ANKMY1: variants seen among roughly 807,000 people sequenced by gnomAD.
The protein encoded by ANKMY1 is ankyrin repeat and MYND domain containing 1.
Under a neutral mutation model 102.0 loss-of-function variants are expected in ANKMY1, and 98 were observed. The observed-to-expected ratio is 0.96, with a 90% CI of 0.82 to 1.14. The LOEUF is 1.14. Among genes scored for constraint, ANKMY1 ranks in the 50% most tolerant of loss-of-function variants. The pLI, the probability that ANKMY1 is intolerant of heterozygous loss-of-function variation, is 0.00. For synonymous variants in ANKMY1, 582 were observed against 559.9 expected, an observed-to-expected ratio of 1.04 and a Z score of -0.56; for missense variants, 1,330 against 1,347.6, an observed-to-expected ratio of 0.99 and a Z score of 0.20.
chr2:240,495,278 T>A (rs1279905049), intron 15 of ANKMY1, among the ~76,000 whole-genome samples: 1 of 151,666 alleles, frequency 6.6e-6, no homozygotes, highest in Non-Finnish European at 1.5e-5. Flanking sequence ...CCCAGAGGAG[T>A]TTAGAGAAGA....
At chr2:240,539,518 G>A (rs774758877) in intron 4 of ANKMY1, among the ~76,000 whole-genome samples, 9 of 152,194 alleles carry the variant, frequency 5.9e-5, no homozygotes, top group South Asian at 2.1e-4. Flanking sequence ...CGAGGAGTCC[G>A]CGGCTTCATT....
At chr2:240,493,006 A>T (rs2076824492) in intron 15 of ANKMY1, among the ~76,000 whole-genome samples, 1 of 151,648 alleles carries the variant, frequency 6.6e-6, no homozygotes, top group South Asian at 2.1e-4. Flanking sequence ...AGTATTTCAA[A>T]TTCTTTATCT....
Position 240,520,636 on chromosome 2 carries a change from AGTAT to A in ANKMY1, c.1833-107_1833-104del, listed in dbSNP as rs2082039297. On this transcript the variant is annotated intron_variant, in intron 8 of 17. Coordinates refer to ENST00000401804, the MANE Select transcript of ANKMY1 (RefSeq NM_001282771.3). The surrounding 1 kb of genome is among the most constrained non-coding windows in gnomAD (Gnocchi z 4.8). ...GGAGGCTGGGGAGGGGCGCGTAGGG[AGTAT>A]GTGTGTGCCGCAACTACACAATCAC... is the stretch of plus-strand genomic sequence containing the variant. The A allele has an allele frequency of 7.2e-7, 1 of 1,391,780 alleles. No individual in the cohort carries two copies. Among genetic ancestry groups the A allele is most frequent in the African/African-American group, 1.5e-5 (1 of 68,840 alleles). 86.2% of individuals were successfully genotyped at this position (1,391,780 alleles called of 1,614,324 possible).
chr2:240,516,151 T>G (rs200849679), intron 9 of ANKMY1, among the ~76,000 whole-genome samples: 26 of 21,096 alleles, frequency 1.2e-3, no homozygotes, highest in South Asian at 4.8e-3. Context: ...TTTTGTGGGG[T>G]TTTTTTTTTT....
intron 17 of ANKMY1, among the ~76,000 whole-genome samples, chr2:240,480,328 C>T (rs1430422160): frequency 1.3e-5 from 2 of 152,220 alleles, no homozygotes; most frequent in African/African-American, 4.8e-5. Context: ...CAGCCAGGTC[C>T]CAGTAGAGCG....
chr2:240,518,715 T>C (rs2081602668), intron 9 of ANKMY1, among the ~76,000 whole-genome samples: 1 of 152,192 alleles, frequency 6.6e-6, no homozygotes. Context: ...TGAATAAACA[T>C]GTGACACAGT....
intron 12 of ANKMY1, among the ~76,000 whole-genome samples, chr2:240,508,638 C>T (rs759891332): frequency 3.9e-5 from 6 of 152,196 alleles, no homozygotes; most frequent in Non-Finnish European, 8.8e-5. Flanking sequence ...TGGCCTGGCT[C>T]CTCCAACGAG....
intron 15 of ANKMY1, among the ~76,000 whole-genome samples, chr2:240,485,502 T>C (rs1312457619): frequency 6.6e-6 from 1 of 152,212 alleles, no homozygotes; most frequent in South Asian, 2.1e-4. Context: ...GTTAATGTAA[T>C]GTCTTAACTT....
chr2:240,528,259 C>T (rs1159526792), intron 5 of ANKMY1, among the ~76,000 whole-genome samples: 1 of 151,804 alleles, frequency 6.6e-6, no homozygotes, highest in Non-Finnish European at 1.5e-5. Context: ...GCACTCCAGC[C>T]TCGGTGACAG....
chr2:240,555,027 C>G lies in ANKMY1; in HGVS notation c.175G>C (p.Glu59Gln), dbSNP rs749249375. ...RDVSAAPEKE[E>Q]EEAEGPLRAQ... ...CTCAGCGGGCCCTCAGCTTCCTCCT[C>G]TTCCTTCTCAGGGGCTGCTGAAACA... Residue 59 changes from glutamate to glutamine, a missense_variant, in exon 3 of 18, where the codon GAG (glutamate) becomes CAG (glutamine). By Grantham distance (29) the Glu-to-Gln change is conservative. Transcript: ENST00000401804. The G allele has an allele frequency of 2.5e-6, 4 of 1,614,116 alleles. No individual in the cohort carries two copies. Among genetic ancestry groups the G allele is most frequent in the Non-Finnish European group, 3.4e-6 (4 of 1,179,992 alleles).
intron 4 of ANKMY1, among the ~76,000 whole-genome samples, chr2:240,537,375 T>C (rs909359553): frequency 6.6e-6 from 1 of 152,248 alleles, no homozygotes; most frequent in Admixed American, 6.5e-5. Flanking sequence ...ATAGCTCCTG[T>C]GATTTTAATG....
At position 240,506,362 on chromosome 2, in the gene ANKMY1, G is replaced by A. The variant is rs1031493180; in HGVS notation, c.2526+1198C>T. ...TTAGGGGGCCCCTCCCAGCCCCCAG[G>A]TCCAGAAATGGTGCCGACTACCCAC... On this transcript the variant is annotated intron_variant, in intron 13 of 17. Transcript: ENST00000401804. The surrounding 1 kb of genome is among the most constrained non-coding windows in gnomAD (Gnocchi z 4.9). Among the ~76,000 whole-genome samples, 6 of 152,144 alleles carry A rather than the reference G, an allele frequency of 3.9e-5. No individual in the cohort carries two copies. Among genetic ancestry groups the A allele is most frequent in the African/African-American group, 1.4e-4 (6 of 41,430 alleles).
chr2:240,500,686 T>G, intron 13 of ANKMY1, 121 bp from the exon 14 acceptor site: 1 of 746,774 alleles, frequency 1.3e-6, no homozygotes. Flanking sequence ...CCTTGCAGTG[T>G]GCGGGAATGC....
upstream of ANKMY1, chr2:240,560,987 C>A: frequency 6.5e-7 from 1 of 1,546,254 alleles, no homozygotes; most frequent in African/African-American, 1.4e-5. Context: ...CCTGCCTAGT[C>A]TACTGCAAGA....
At chr2:240,485,144 C>A (rs570022148) in intron 15 of ANKMY1, among the ~76,000 whole-genome samples, 1 of 151,932 alleles carries the variant, frequency 6.6e-6, no homozygotes, top group Non-Finnish European at 1.5e-5. Context: ...CTGGCTAACA[C>A]AGTGAAACCC....
chr2:240,560,121 G>C (rs925839141), upstream of ANKMY1: 1 of 152,410 alleles, frequency 6.6e-6, no homozygotes, highest in Non-Finnish European at 1.5e-5. Context: ...ATAATACATA[G>C]AAAAAAATGC....
At chr2:240,530,359 G>T (rs182614822) in intron 4 of ANKMY1, among the ~76,000 whole-genome samples, 157 of 152,292 alleles carry the variant, frequency 1.0e-3, no homozygotes, top group African/African-American at 3.7e-3. Flanking sequence ...TGGGTCACAG[G>T]GGTGTGTCCT....
chr2:240,548,233 C>A (rs2090827099), intron 4 of ANKMY1, among the ~76,000 whole-genome samples: 1 of 152,118 alleles, frequency 6.6e-6, no homozygotes, highest in Non-Finnish European at 1.5e-5. Flanking sequence ...AAATGTAATC[C>A]AGCGTATAAA....
At chr2:240,560,482 C>T (rs2092875269), upstream of ANKMY1, 2 of 756,754 alleles carry the variant, frequency 2.6e-6, no homozygotes, top group Admixed American at 8.8e-5. Context: ...CCCGCCATGC[C>T]CCGGCCCCAA....
Sources: gnomAD v4.1 joint callset for allele counts (sites outside exome capture counted in the v4.1 genomes callset) on GRCh38, gnomAD v4.1.1 for gene constraint, Gnocchi (gnomAD v3.1) non-coding constraint, MANE v1.5 for transcripts, NCBI Gene and HGNC (gene_info 2026-07-23, HGNC 2026-07-21) for gene names.